Variants in NRF1 observed in about 807,000 individuals in gnomAD.
The protein encoded by NRF1 is nuclear respiratory factor 1, also known as alpha palindromic-binding protein.
A neutral mutation model predicts 58.5 loss-of-function variants in NRF1; 5 were observed. The observed-to-expected ratio is 0.09, with a 90% CI of 0.04 to 0.18. The LOEUF is 0.18. NRF1 is among the 10% of genes least tolerant of loss of function. The pLI is 1.00. For synonymous variants in NRF1, 224 were observed against 246.7 expected, an observed-to-expected ratio of 0.91 and a Z score of 0.86; for missense variants, 288 against 657.7, an observed-to-expected ratio of 0.44 and a Z score of 6.15.
Position 129,619,425 on chromosome 7 carries a change from T to TACAC in NRF1, c.-7+7602_-7+7603insCACA, listed in dbSNP as rs1461364151. On this transcript the variant is annotated intron_variant, in intron 1 of 10. Transcript: ENST00000393232. ...ATATATATATATATATATATATATA[T>TACAC]ATATATATACACACACACACACATA... is the stretch of plus-strand genomic sequence containing the variant. 2.2e-3 allele frequency among the ~76,000 whole-genome samples: 182 copies of TACAC among 82,560 alleles called. 2 individuals carry two copies. Among genetic ancestry groups the TACAC allele is most frequent in the Admixed American group, 4.0e-3 (31 of 7,804 alleles). 54.2% of individuals were successfully genotyped at this position (82,560 alleles called of 152,430 possible).
At chr7:129,738,257 G>A (rs1184452361) in intron 10 of NRF1, among the ~76,000 whole-genome samples, 3 of 152,366 alleles carry the variant, frequency 2.0e-5, no homozygotes, top group East Asian at 3.9e-4. Context: ...ATTCCTTCTT[G>A]TAATATAAGG....
At chr7:129,658,898 A>AT (rs1411633195) in intron 2 of NRF1, among the ~76,000 whole-genome samples, 1 of 152,194 alleles carries the variant, frequency 6.6e-6, no homozygotes, top group East Asian at 1.9e-4. Context: ...TTTACACTGT[A>AT]TTAGGTATTA....
chr7:129,630,748 C>CA (rs1166757435), intron 1 of NRF1, among the ~76,000 whole-genome samples: 18 of 152,074 alleles, frequency 1.2e-4, no homozygotes, highest in Non-Finnish European at 2.4e-4. Flanking sequence ...GGTAAATTGT[C>CA]AGATTATTTT....
intron 4 of NRF1, 100 bp downstream of exon 4, chr7:129,677,858 AC>A (rs1802218752): frequency 6.9e-7 from 1 of 1,440,078 alleles, no homozygotes; most frequent in African/African-American, 1.4e-5. Flanking sequence ...CATTTCTGTT[AC>A]CCCCTAATCC....
At chr7:129,622,271 T>C (rs926904550) in intron 1 of NRF1, among the ~76,000 whole-genome samples, 8 of 152,198 alleles carry the variant, frequency 5.3e-5, no homozygotes, top group Non-Finnish European at 8.8e-5. Context: ...AACACAATTA[T>C]GGCCCTAATG....
At chr7:129,722,393 G>GAA (rs113582154) in intron 9 of NRF1, among the ~76,000 whole-genome samples, 4 of 130,002 alleles carry the variant, frequency 3.1e-5, no homozygotes, top group South Asian at 4.8e-4. Flanking sequence ...CTCCGTCTCA[G>GAA]AAAAAAAAAA....
At chr7:129,650,417 A>G (rs1230143780) in intron 1 of NRF1, among the ~76,000 whole-genome samples, 1 of 152,020 alleles carries the variant, frequency 6.6e-6, no homozygotes, top group Non-Finnish European at 1.5e-5. Context: ...TCTTTATTTT[A>G]TGTCTAGGAG....
chr7:129,696,113 A>G (rs913900421), intron 5 of NRF1, among the ~76,000 whole-genome samples: 16 of 148,402 alleles, frequency 1.1e-4, no homozygotes, highest in Non-Finnish European at 1.9e-4. Context: ...GCTTAGTGGT[A>G]CATGCCTGTA....
intron 10 of NRF1, among the ~76,000 whole-genome samples, chr7:129,734,768 GGCTACGGGT>G (rs1465423187): frequency 6.6e-6 from 1 of 152,176 alleles, no homozygotes; most frequent in African/African-American, 2.4e-5. Context: ...TTGGGTGGTG[GGCTACGGGT>G]GCTATTTAGA....
intron 1 of NRF1, among the ~76,000 whole-genome samples, chr7:129,629,130 C>A (rs1290311908): frequency 6.6e-6 from 1 of 152,148 alleles, no homozygotes; most frequent in South Asian, 2.1e-4. Flanking sequence ...GACAGACCCA[C>A]TTTTAATTTT....
intron 1 of NRF1, among the ~76,000 whole-genome samples, chr7:129,615,425 G>T (rs78460264): frequency 1.6e-5 from 2 of 128,620 alleles, no homozygotes; most frequent in East Asian, 2.3e-4. Context: ...GTGTGTGACT[G>T]TGTGATGCTT....
chr7:129,723,114 A>G (rs1803366874), intron 9 of NRF1, among the ~76,000 whole-genome samples: 1 of 152,116 alleles, frequency 6.6e-6, no homozygotes, highest in Non-Finnish European at 1.5e-5. Context: ...ATATTTATGT[A>G]TCTTTTTCTT....
chr7:129,617,285 T>C (rs781470155), intron 1 of NRF1, among the ~76,000 whole-genome samples: 56 of 152,334 alleles, frequency 3.7e-4, no homozygotes, highest in Non-Finnish European at 6.0e-4. Flanking sequence ...TTTAGAACTT[T>C]AAGAGTCCGT....
intron 1 of NRF1, among the ~76,000 whole-genome samples, chr7:129,626,851 A>T (rs1054510481): frequency 6.6e-6 from 1 of 152,250 alleles, no homozygotes; most frequent in African/African-American, 2.4e-5. Flanking sequence ...GCTTCTGTCA[A>T]GTGTGAGATG....
At position 129,657,494 on chromosome 7, in the gene NRF1, C is replaced by T; in HGVS notation, c.143C>T (p.Pro48Leu). Residue 48 changes from proline to leucine, a missense_variant, in exon 2 of 11, where the codon CCC (proline) becomes CTC (leucine). Around this residue, in one of 3 missense-constraint regions of NRF1, gnomAD observed 48 missense variants for 65.5 expected, o/e 0.73. Transcript: ENST00000393232. ...GCTGATGAAGACTCGCCTTCTTCTC[C>T]CGAGGACACCTCTTACGATGACTCA... ...LSADEDSPSS[P>L]EDTSYDDSDI... is the part of the protein sequence containing the mutation. 1 of 1,614,114 alleles carries T rather than the reference C, an allele frequency of 6.2e-7. No homozygotes were observed. The highest frequency in any genetic ancestry group is 8.5e-7 in the Non-Finnish European group (1 of 1,180,018).
chr7:129,684,775 C>T (rs1802407163), intron 4 of NRF1, among the ~76,000 whole-genome samples: 1 of 152,188 alleles, frequency 6.6e-6, no homozygotes, highest in Non-Finnish European at 1.5e-5. Context: ...CCCCGTTGCT[C>T]ATGTATTTAC....
intron 10 of NRF1, among the ~76,000 whole-genome samples, chr7:129,751,937 C>T (rs1263842957): frequency 1.3e-5 from 2 of 152,308 alleles, no homozygotes; most frequent in Non-Finnish European, 2.9e-5. Flanking sequence ...TATATACACT[C>T]AGTCCCATGC....
chr7:129,625,787 TTC>T (rs1466058957), intron 1 of NRF1, among the ~76,000 whole-genome samples: 4 of 145,686 alleles, frequency 2.7e-5, no homozygotes. Flanking sequence ...GTTCACGCCA[TTC>T]TCCTGCCTCA....
At chr7:129,626,945 G>A (rs1800932881) in intron 1 of NRF1, among the ~76,000 whole-genome samples, 1 of 152,214 alleles carries the variant, frequency 6.6e-6, no homozygotes, top group African/African-American at 2.4e-5. Flanking sequence ...TGATATAAAA[G>A]ACTAGAGACA....
Sources: allele counts gnomAD v4.1 joint callset (sites outside exome capture counted in the v4.1 genomes callset), GRCh38; gene constraint gnomAD v4.1.1; regional missense constraint gnomAD v4.1.1; transcripts MANE v1.5; gene names NCBI Gene and HGNC (gene_info 2026-07-23, HGNC 2026-07-21).